The following FANK1 variants were observed in gnomAD, a reference collection of about 807,000 sequenced individuals.
FANK1 encodes fibronectin type III and ankyrin repeat domains 1.
In FANK1, 44 loss-of-function variants were observed where a neutral mutation model predicts 45.3. The ratio of observed to expected loss-of-function variants is 0.97; its 90% CI spans 0.76 to 1.25. The LOEUF is 1.25. FANK1 is among the 50% of genes most tolerant of loss of function. The pLI is 0.00. For synonymous variants in FANK1, 149 were observed against 152.5 expected (o/e 0.98, Z 0.17); for missense variants, 391 against 424.4 (o/e 0.92, Z 0.69).
intron 1 of FANK1, among the ~76,000 whole-genome samples, chr10:125,970,451 C>T (rs1192732840): frequency 6.6e-6 from 1 of 152,238 alleles, no homozygotes; most frequent in African/African-American, 2.4e-5. Context: ...AGGCTGCAAT[C>T]TCCGCACTTT....
chr10:125,990,431 T>C (rs139385786), intron 3 of FANK1, among the ~76,000 whole-genome samples: 174 of 152,278 alleles, frequency 1.1e-3, no homozygotes, highest in African/African-American at 4.0e-3. Flanking sequence ...GGATGGGTAA[T>C]GAATTAAAGA....
intron 3 of FANK1, among the ~76,000 whole-genome samples, chr10:125,991,250 GGTGT>G (rs113257579): frequency 2.0e-4 from 29 of 145,996 alleles, no homozygotes; most frequent in East Asian, 8.2e-4. Context: ...GGTGACCAGG[GGTGT>G]GTGTGTGTGT....
At chr10:125,940,145 AAAAT>A (rs1423493758) in intron 1 of FANK1, among the ~76,000 whole-genome samples, 14 of 152,174 alleles carry the variant, frequency 9.2e-5, no homozygotes, top group Non-Finnish European at 2.1e-4. Flanking sequence ...AGAGACTGAG[AAAAT>A]AAATAAGACA....
At chr10:125,991,004 C>A (rs372504359) in intron 3 of FANK1, among the ~76,000 whole-genome samples, 1 of 152,172 alleles carries the variant, frequency 6.6e-6, no homozygotes, top group Non-Finnish European at 1.5e-5. Flanking sequence ...TCAGTTACCT[C>A]CCACCAGGTC....
intron 1 of FANK1, among the ~76,000 whole-genome samples, chr10:125,897,175 C>A (rs901018004): frequency 4.9e-5 from 7 of 144,086 alleles, no homozygotes; most frequent in Admixed American, 4.8e-4. Context: ...AAAAGAAGAG[C>A]TTTGTCCAAG....
chr10:125,904,436 AT>A (rs200215701), intron 1 of FANK1, among the ~76,000 whole-genome samples: 807 of 128,316 alleles, frequency 6.3e-3, no homozygotes, highest in East Asian at 0.017. Flanking sequence ...AACATTACAG[AT>A]TTTTTTTTTT....
At chr10:125,999,884 T>G (rs1256992604) in intron 6 of FANK1, among the ~76,000 whole-genome samples, 1 of 152,216 alleles carries the variant, frequency 6.6e-6, no homozygotes, top group Non-Finnish European at 1.5e-5. Flanking sequence ...CTTAAGAAGA[T>G]GTGAACTGAG....
At chr10:126,000,638 T>G (rs1952688632) in intron 6 of FANK1, among the ~76,000 whole-genome samples, 1 of 152,174 alleles carries the variant, frequency 6.6e-6, no homozygotes, top group African/African-American at 2.4e-5. Context: ...CACAGAGGCA[T>G]AATTATTTTA....
chr10:125,984,408 G>A (rs1046489855), intron 2 of FANK1, among the ~76,000 whole-genome samples: 27 of 152,320 alleles, frequency 1.8e-4, no homozygotes, highest in African/African-American at 5.8e-4. Context: ...GGGCGGGGAG[G>A]TAGATAGAAT....
chr10:125,976,534 T>G (rs1950864353), intron 1 of FANK1, among the ~76,000 whole-genome samples: 1 of 152,236 alleles, frequency 6.6e-6, no homozygotes, highest in Non-Finnish European at 1.5e-5. Context: ...TTTGTCTGAC[T>G]GTCCTATTTC....
chr10:125,907,829 A>G (rs1338130467), intron 1 of FANK1, among the ~76,000 whole-genome samples: 1 of 152,108 alleles, frequency 6.6e-6, no homozygotes, highest in Non-Finnish European at 1.5e-5. Context: ...ACATAATCAT[A>G]CAGACATAAG....
intron 9 of FANK1, 39 bp downstream of exon 9, chr10:126,009,170 G>A (rs375175844): frequency 6.2e-7 from 1 of 1,614,150 alleles, no homozygotes; most frequent in Non-Finnish European, 8.5e-7. Flanking sequence ...TTTCCTCGGA[G>A]GGGGAGAAAA....
intron 1 of FANK1, among the ~76,000 whole-genome samples, chr10:125,949,427 G>C (rs982213598): frequency 1.6e-4 from 24 of 152,160 alleles, no homozygotes; most frequent in African/African-American, 5.5e-4. Context: ...AAAGTCTCAG[G>C]ATACAAAATC....
chr10:125,981,944 A>G (rs187937968), intron 2 of FANK1, among the ~76,000 whole-genome samples: 189 of 152,344 alleles, frequency 1.2e-3, no homozygotes, highest in Non-Finnish European at 2.4e-3. Flanking sequence ...GAAAGCTCCA[A>G]TTTCAACTGT....
At chr10:125,901,959 A>G (rs1945073151) in intron 1 of FANK1, among the ~76,000 whole-genome samples, 1 of 152,212 alleles carries the variant, frequency 6.6e-6, no homozygotes, top group Admixed American at 6.5e-5. Flanking sequence ...GTCTCTACTA[A>G]AAATACAAAA....
chr10:125,962,906 C>T (rs1024691758), intron 1 of FANK1, among the ~76,000 whole-genome samples: 1 of 151,894 alleles, frequency 6.6e-6, no homozygotes, highest in Non-Finnish European at 1.5e-5. Context: ...CCATTTTCCC[C>T]TATTATTAAC....
At chr10:126,006,619 G>A (rs560863531) in intron 7 of FANK1, among the ~76,000 whole-genome samples, 5 of 152,336 alleles carry the variant, frequency 3.3e-5, no homozygotes, top group Non-Finnish European at 7.3e-5. Context: ...CAGCACTTTG[G>A]GAGGCCAAGG....
chr10:125,950,228 A>C (rs1393071192), intron 1 of FANK1, among the ~76,000 whole-genome samples: 9 of 151,456 alleles, frequency 5.9e-5, no homozygotes, highest in Non-Finnish European at 1.2e-4. Context: ...TGTCCAAAAC[A>C]CCAAAAGCAA....
intron 2 of FANK1, among the ~76,000 whole-genome samples, chr10:125,986,970 G>A (rs145456113): frequency 1.3e-3 from 193 of 152,310 alleles, no homozygotes; most frequent in African/African-American, 4.5e-3. Flanking sequence ...GTGGGGGCTG[G>A]GAGTGAGTGG....
Sources: gnomAD v4.1 joint callset for allele counts (sites outside exome capture counted in the v4.1 genomes callset) on GRCh38, gnomAD v4.1.1 for gene constraint, MANE v1.5 for transcripts, NCBI Gene and HGNC (gene_info 2026-07-23, HGNC 2026-07-21) for gene names.